The following TMEM201 variants were observed in gnomAD, a reference collection of about 807,000 sequenced individuals.
TMEM201 encodes the protein RP13-15M17.2.
Under a neutral mutation model 63.4 loss-of-function variants are expected in TMEM201, and 26 were observed. The ratio of observed to expected loss-of-function variants is 0.41; its 90% CI spans 0.30 to 0.57. The LOEUF (loss-of-function observed/expected upper bound fraction) is 0.57. TMEM201 is among the 20% of genes least tolerant of loss of function. TMEM201 has a pLI of 0.29. For missense variants in TMEM201, 794 were observed against 917.7 expected (o/e 0.87, Z 1.74); for synonymous variants, 417 against 421.6 (o/e 0.99, Z 0.14).
At chr1:9,593,278 G>A (rs1178553376) in intron 1 of TMEM201, among the ~76,000 whole-genome samples, 2 of 152,182 alleles carry the variant, frequency 1.3e-5, no homozygotes, top group Non-Finnish European at 2.9e-5. Context: ...TGTGTCTGAC[G>A]CCGCCGTGCT....
At chr1:9,593,414 C>T (rs933329748) in intron 1 of TMEM201, among the ~76,000 whole-genome samples, 1 of 152,216 alleles carries the variant, frequency 6.6e-6, no homozygotes, top group South Asian at 2.1e-4. Context: ...AGGTAGGGCC[C>T]GCCTGGCCAA....
In TMEM201 at chr1:9,604,535, T is replaced by C. The variant is rs191158627; in HGVS notation, c.1160+2263T>C. On this transcript the variant is annotated intron_variant, in intron 6 of 10. Coordinates refer to ENST00000340381, the MANE Select transcript of TMEM201 (RefSeq NM_001130924.3). The surrounding 1 kb of genome is among the most constrained non-coding windows in gnomAD (Gnocchi z 4.1). ...TTGTTGACCGGGAATGTGTCACCCC[T>C]GCCAGGGAACTCTTCTCCTCGCGGG... The C allele has an allele frequency of 8.9e-5, 88 of 985,494 alleles. 2 individuals carry two copies. In the Admixed American group the frequency reaches 5.4e-3, roughly 60 times the overall value. The allele number at this position is 985,494 out of a possible 1,614,324, so 61.0% of individuals were successfully genotyped here. A position where few individuals can be genotyped will look rare whatever the true frequency, so the allele number is the denominator to read the frequency against.
chr1:9,611,081 T>C, intron 9 of TMEM201: 1 of 1,500,096 alleles, frequency 6.7e-7, no homozygotes, highest in Non-Finnish European at 8.9e-7. Context: ...CAGGTGCGTG[T>C]GGCCACAGAT....
chr1:9,609,138 G>A (rs74051558), intron 7 of TMEM201, among the ~76,000 whole-genome samples: 3,211 of 152,312 alleles, frequency 0.021, 124 homozygotes, highest in African/African-American at 0.072. Flanking sequence ...AGCATCCATA[G>A]AATGGATTCT....
At position 9,601,109 on chromosome 1, in the gene TMEM201, TCTC is replaced by T. The variant is rs781296366; in HGVS notation, c.616_618del (p.Ser206del). 1.5e-5 allele frequency: 23 copies of T among 1,584,000 alleles called. No individual in the cohort carries two copies. The highest frequency in any genetic ancestry group is 2.3e-5 in the South Asian group (2 of 88,482). ...GCCTCTCTTCCTCCTTTGCAGAACT[TCTC>T]CTCCGCCGTGAAGTCCCCGGTCCAG... On this transcript the variant is annotated inframe_deletion, in exon 5 of 11. Coordinates refer to ENST00000340381, the MANE Select transcript of TMEM201 (RefSeq NM_001130924.3).
chr1:9,607,557 G>C lies in TMEM201; in HGVS notation c.1161G>C (p.Arg387Ser), dbSNP rs1405832748. 3 of 1,546,876 alleles carry C rather than the reference G, an allele frequency of 1.9e-6. No individual in the cohort carries two copies. The highest frequency in any genetic ancestry group is 2.6e-6 in the Non-Finnish European group (3 of 1,144,498). ...ATGPRRFRPR[R>S]FFPGDSAGLF... ...TCCCGTGCCTGACGGGCCCTTGCAG[G>C]TTCTTCCCAGGAGACTCTGCCGGCC... The change falls in exon 7 of 11, where the codon AGG becomes AGC. Residue 387 changes from arginine to serine, a missense_variant and splice_region_variant. Transcript: ENST00000340381. The surrounding 1 kb of genome is among the most constrained non-coding windows in gnomAD (Gnocchi z 5.4).
At position 9,592,553 on chromosome 1, in the gene TMEM201, C is replaced by G. The variant is rs529169396; in HGVS notation, c.114-3337C>G. Among the ~76,000 whole-genome samples, 3 of 152,302 alleles carry G rather than the reference C, an allele frequency of 2.0e-5. No homozygotes were observed. The East Asian group carries it at 5.8e-4, about 29-fold the overall frequency. On this transcript the variant is annotated intron_variant, in intron 1 of 10. Transcript: ENST00000340381. ...ACCTGGTGCTTTCCTAGGCTGAGGA[C>G]CCAGCGCTGGGCTCGCACCTAGAAC... is the stretch of plus-strand genomic sequence containing the variant.
rs1205149186 is a variant in TMEM201 at position 9,603,809 on chromosome 1, T to A, written c.1160+1537T>A. On this transcript the variant is annotated intron_variant, in intron 6 of 10. Coordinates refer to ENST00000340381, the MANE Select transcript of TMEM201 (RefSeq NM_001130924.3). This position sits in a 1 kb window ranked among gnomAD's most constrained non-coding sequence, Gnocchi z 4.5. ...GGTGCATCGGGAGACCCTCGGGGGC[T>A]TCTGTGGCCTCTGTGCCCGATGACC... The A allele has an allele frequency of 3.0e-6, 3 of 985,338 alleles. 1 individual carries two copies. The highest frequency in any genetic ancestry group is 2.4e-6 in the Non-Finnish European group (2 of 829,946). 61.0% of individuals were successfully genotyped at this position (985,338 alleles called of 1,614,324 possible).
intron 4 of TMEM201, among the ~76,000 whole-genome samples, chr1:9,600,272 T>C (rs1644111027): frequency 6.6e-6 from 1 of 152,210 alleles, no homozygotes; most frequent in Non-Finnish European, 1.5e-5. Context: ...AAATTAGTTT[T>C]AGCCAGATGG....
At chr1:9,591,017 T>C (rs2100442465) in intron 1 of TMEM201, among the ~76,000 whole-genome samples, 1 of 152,086 alleles carries the variant, frequency 6.6e-6, no homozygotes, top group Admixed American at 6.5e-5. Context: ...GAGAGGAAGA[T>C]GTAGAGGGAG....
chr1:9,600,119 A>G lies in TMEM201; in HGVS notation c.607-986A>G, dbSNP rs570102978. Among the ~76,000 whole-genome samples, 13 of 152,234 alleles carry G rather than the reference A, an allele frequency of 8.5e-5. No homozygotes were observed. In the South Asian group the frequency reaches 2.7e-3, roughly 32 times the overall value. On this transcript the variant is annotated intron_variant, in intron 4 of 10. Coordinates refer to ENST00000340381, the MANE Select transcript of TMEM201 (RefSeq NM_001130924.3). The stretch of plus-strand genomic sequence containing the variant: ...AGCTGCAGACTGGAAACCACATATC[A>G]ATCAGACCCAGGTCACATCTAGAGA...
At chr1:9,598,703 G>C in intron 4 of TMEM201, 78 bp downstream of exon 4, 2 of 1,422,872 alleles carry the variant, frequency 1.4e-6, no homozygotes, top group African/African-American at 1.4e-5. Flanking sequence ...CTGGGCACTA[G>C]TGACCAGAGG....
chr1:9,606,417 C>A (rs1644244786), intron 6 of TMEM201: 1 of 152,256 alleles, frequency 6.6e-6, no homozygotes, highest in Admixed American at 6.5e-5. Context: ...TTACATGATT[C>A]TCCGGGAAGT....
rs949108031 is a variant in TMEM201, at chr1:9,607,509, A to ACCTC, written c.1161-45_1161-42dup. The ACCTC allele has an allele frequency of 1.4e-6, 2 of 1,460,674 alleles. No individual in the cohort carries two copies. Among genetic ancestry groups the ACCTC allele is most frequent in the Non-Finnish European group, 1.8e-6 (2 of 1,081,444 alleles). The allele number at this position is 1,460,674 out of a possible 1,614,324, so 90.5% of individuals were successfully genotyped here. On this transcript the variant is annotated intron_variant, in intron 6 of 10. Coordinates refer to ENST00000340381, the MANE Select transcript of TMEM201 (RefSeq NM_001130924.3). This position sits in a 1 kb window ranked among gnomAD's most constrained non-coding sequence, Gnocchi z 5.4. The stretch of plus-strand genomic sequence containing the variant: ...GACCCACTGCAAGGCTGCCTCCAGG[A>ACCTC]CCTCCCGCTGACCCTCTTCTTGTCC...
Position 9,613,118 on chromosome 1 carries a change from G to T in TMEM201, c.*35G>T. 2 of 1,542,224 alleles carry T rather than the reference G, an allele frequency of 1.3e-6. No individual in the cohort carries two copies. Among genetic ancestry groups the T allele is most frequent in the Admixed American group, 3.9e-5 (2 of 50,984 alleles). ...GGAGCCCCTCGGAGGGGAGCAACCCGGTGCCTGCTGCTTCACCACTGCCGG... is the reference window on the plus strand; with the variant it reads ...GGAGCCCCTCGGAGGGGAGCAACCCTGTGCCTGCTGCTTCACCACTGCCGG... On this transcript the variant is annotated 3_prime_UTR_variant, in exon 11 of 11. Transcript: ENST00000340381.
At chr1:9,590,388 C>A (rs1643900484) in intron 1 of TMEM201, among the ~76,000 whole-genome samples, 2 of 152,196 alleles carry the variant, frequency 1.3e-5, no homozygotes, top group Non-Finnish European at 2.9e-5. Context: ...TCTCAGCTAA[C>A]CCAGGATGGG....
At position 9,614,872 on chromosome 1, in the gene TMEM201, A is replaced by C. The variant is rs888878106; in HGVS notation, c.*1789A>C. ...AAACCAAAAAAGATACAGCCTTTGA[A>C]TGATGCCTGCTGGCTGTCTGTATTC... On this transcript the variant is annotated 3_prime_UTR_variant, in exon 11 of 11. Transcript: ENST00000340381. The C allele has an allele frequency of 6.6e-6, 1 of 152,186 alleles. No homozygotes were observed. Among genetic ancestry groups the C allele is most frequent in the Non-Finnish European group, 1.5e-5 (1 of 68,030 alleles). The allele number at this position is 152,186 out of a possible 1,614,324, so 9.4% of individuals were successfully genotyped here.
In TMEM201 at chr1:9,602,244, A is replaced by G; in HGVS notation, c.1132A>G (p.Thr378Ala). 1.9e-6 allele frequency: 3 copies of G among 1,612,048 alleles called. No individual in the cohort carries two copies. The highest frequency in any genetic ancestry group is 1.8e-4 in the Middle Eastern group (1 of 5,442). Reference protein sequence around the residue: ...FTAAVATRKATGPRRFRPRRF... With the variant: ...FTAAVATRKAAGPRRFRPRRF... ...GGCGGCTGTGGCCACAAGGAAGGCA[A>G]CGGGCCCACGGAGGTTCCGGCCCCG... Residue 378 changes from threonine to alanine, a missense_variant, in exon 6 of 11, where the codon ACG (threonine) becomes GCG (alanine). Physicochemically the swap from Thr to Ala is moderately conservative, Grantham distance 58. Transcript: ENST00000340381.
intron 1 of TMEM201, among the ~76,000 whole-genome samples, chr1:9,590,033 A>G (rs1451555079): frequency 3.3e-5 from 5 of 152,184 alleles, no homozygotes; most frequent in Non-Finnish European, 7.4e-5. Context: ...CAGGGGGGAA[A>G]CGGGGAAAAA....
Sources: allele counts gnomAD v4.1 joint callset (sites outside exome capture counted in the v4.1 genomes callset), GRCh38; gene constraint gnomAD v4.1.1; non-coding constraint Gnocchi (gnomAD v3.1); transcripts MANE v1.5; gene names NCBI Gene and HGNC (gene_info 2026-07-23, HGNC 2026-07-21).